The following MINDY4 variants were observed in gnomAD, a reference collection of about 807,000 sequenced individuals.
MINDY4 encodes the protein MINDY lysine 48 deubiquitinase 4.
In MINDY4, 68 loss-of-function variants were observed where a neutral mutation model predicts 87.0. The observed-to-expected ratio is 0.78, with a 90% CI of 0.64 to 0.96. The LOEUF is 0.96. Among genes scored for constraint, MINDY4 ranks in the 40% least tolerant of loss-of-function variants. MINDY4 has a pLI of 0.00. For missense variants in MINDY4, 919 were observed against 928.2 expected, an observed-to-expected ratio of 0.99 and a Z score of 0.13; for synonymous variants, 379 against 363.2, an observed-to-expected ratio of 1.04 and a Z score of -0.50.
At chr7:30,829,280 C>A (rs1451435196) in intron 6 of MINDY4, among the ~76,000 whole-genome samples, 2 of 147,058 alleles carry the variant, frequency 1.4e-5, no homozygotes, top group Non-Finnish European at 3.0e-5. Flanking sequence ...AGTTTTGAAG[C>A]AAACTTTTTT....
In MINDY4 at chr7:30,836,689, G is replaced by A. The variant is rs774681733; in HGVS notation, c.1164G>A (p.Glu388=). The A allele has an allele frequency of 1.9e-6, 3 of 1,614,020 alleles. No individual in the cohort carries two copies. The highest frequency in any genetic ancestry group is 1.7e-6 in the Non-Finnish European group (2 of 1,179,996). The part of the protein sequence containing the change: ...EDVEDELIRE[E]VILSPVPSVL... Reference sequence around the variant, plus strand: ...TGGAGGATGAGTTGATAAGGGAAGAGGTCATCCTGTCGCCAGTCCCATCAG... The same window carrying A: ...TGGAGGATGAGTTGATAAGGGAAGAAGTCATCCTGTCGCCAGTCCCATCAG... The change falls in exon 7 of 18, where the codon GAG becomes GAA. Residue 388 remains glutamate, a synonymous_variant. Coordinates refer to ENST00000265299, the MANE Select transcript of MINDY4 (RefSeq NM_032222.3).
intron 5 of MINDY4, among the ~76,000 whole-genome samples, chr7:30,813,705 G>A (rs912523340): frequency 4.1e-4 from 63 of 152,204 alleles, no homozygotes; most frequent in African/African-American, 1.4e-3. Flanking sequence ...GTACTTGTCC[G>A]AACTGGGGCT....
chr7:30,881,804 TAGG>T (rs1264058065), intron 15 of MINDY4, among the ~76,000 whole-genome samples: 1 of 152,082 alleles, frequency 6.6e-6, no homozygotes, highest in African/African-American at 2.4e-5. Flanking sequence ...AAGAATTGGT[TAGG>T]AGGTCACTGC....
At chr7:30,841,803 T>C (rs1767233023) in intron 9 of MINDY4, among the ~76,000 whole-genome samples, 1 of 152,230 alleles carries the variant, frequency 6.6e-6, no homozygotes, top group African/African-American at 2.4e-5. Flanking sequence ...CAGGTACCCC[T>C]ATTCTCCTGA....
At chr7:30,862,531 G>A (rs965530055) in intron 13 of MINDY4, among the ~76,000 whole-genome samples, 3 of 152,316 alleles carry the variant, frequency 2.0e-5, no homozygotes, top group East Asian at 1.9e-4. Flanking sequence ...GAAGGTTTGC[G>A]GTGATTCGCA....
At chr7:30,855,545 G>A (rs1789544107) in intron 12 of MINDY4, among the ~76,000 whole-genome samples, 1 of 152,370 alleles carries the variant, frequency 6.6e-6, no homozygotes, top group African/African-American at 2.4e-5. Flanking sequence ...CTAAGGTGGA[G>A]CCTGAGGGTG....
At chr7:30,846,923 C>T (rs1050181256) in intron 9 of MINDY4, among the ~76,000 whole-genome samples, 6 of 152,312 alleles carry the variant, frequency 3.9e-5, no homozygotes, top group African/African-American at 1.2e-4. Context: ...GCAGGCAGAA[C>T]GCAGCTTCAC....
At chr7:30,876,422 A>G (rs761528618) in intron 15 of MINDY4, among the ~76,000 whole-genome samples, 8 of 152,140 alleles carry the variant, frequency 5.3e-5, no homozygotes, top group Non-Finnish European at 7.3e-5. Context: ...CTAGGATTCA[A>G]CACATCTTTT....
intron 17 of MINDY4, among the ~76,000 whole-genome samples, chr7:30,884,382 G>A (rs879617250): frequency 6.6e-5 from 10 of 152,320 alleles, no homozygotes; most frequent in East Asian, 3.9e-4. Context: ...TGCTTCTTTC[G>A]TCGGGAGGAT....
At chr7:30,877,465 T>C (rs1279185178) in intron 15 of MINDY4, among the ~76,000 whole-genome samples, 7 of 152,188 alleles carry the variant, frequency 4.6e-5, no homozygotes, top group Non-Finnish European at 1.5e-5. Context: ...TCTGCTGTTC[T>C]GTGCTCAGCT....
intron 11 of MINDY4, 119 bp from the exon 12 acceptor site, chr7:30,853,275 C>G (rs78103803): frequency 1.3e-6 from 1 of 775,178 alleles, no homozygotes; most frequent in Non-Finnish European, 2.2e-6. Context: ...TGCTCTCTGA[C>G]GCAGGGACAT....
chr7:30,845,311 C>T (rs1789173118), intron 9 of MINDY4, among the ~76,000 whole-genome samples: 1 of 152,120 alleles, frequency 6.6e-6, no homozygotes, highest in African/African-American at 2.4e-5. Context: ...GAGCCCCTGC[C>T]CCACACGAGC....
intron 9 of MINDY4, among the ~76,000 whole-genome samples, chr7:30,849,104 A>C (rs1388250254): frequency 6.6e-6 from 1 of 151,884 alleles, no homozygotes; most frequent in Non-Finnish European, 1.5e-5. Context: ...GGTGTAGGTC[A>C]CTGGCTATGT....
At chr7:30,811,704 G>C (rs1788005143) in intron 5 of MINDY4, among the ~76,000 whole-genome samples, 1 of 152,210 alleles carries the variant, frequency 6.6e-6, no homozygotes, top group South Asian at 2.1e-4. Flanking sequence ...TACAGACATT[G>C]TATAGAAAAG....
At chr7:30,815,858 G>T (rs979907044) in intron 5 of MINDY4, among the ~76,000 whole-genome samples, 1 of 152,296 alleles carries the variant, frequency 6.6e-6, no homozygotes, top group Non-Finnish European at 1.5e-5. Flanking sequence ...GTCCTGGTGT[G>T]TGTCTCCCCA....
At chr7:30,804,477 C>G (rs1238018157) in intron 5 of MINDY4, among the ~76,000 whole-genome samples, 2 of 152,112 alleles carry the variant, frequency 1.3e-5, no homozygotes, top group Non-Finnish European at 2.9e-5. Context: ...GAGAGAAATG[C>G]TGAAGATGAG....
intron 4 of MINDY4, among the ~76,000 whole-genome samples, chr7:30,787,673 G>A (rs1391394006): frequency 7.9e-5 from 12 of 152,190 alleles, no homozygotes; most frequent in Admixed American, 7.9e-4. Flanking sequence ...ATTAGTCAGA[G>A]CCACCTCAGC....
intron 5 of MINDY4, among the ~76,000 whole-genome samples, chr7:30,805,944 G>A (rs1431125924): frequency 1.3e-5 from 2 of 152,202 alleles, no homozygotes; most frequent in African/African-American, 2.4e-5. Flanking sequence ...AGGGTGCACG[G>A]GCTTGGGTGG....
chr7:30,782,895 C>T (rs760090618), intron 3 of MINDY4, among the ~76,000 whole-genome samples: 4 of 152,096 alleles, frequency 2.6e-5, no homozygotes, highest in Non-Finnish European at 5.9e-5. Flanking sequence ...TAGGATGTGG[C>T]CCACCCACAT....
Sources: gnomAD v4.1 joint callset for allele counts (sites outside exome capture counted in the v4.1 genomes callset) on GRCh38, gnomAD v4.1.1 for gene constraint, MANE v1.5 for transcripts, NCBI Gene and HGNC (gene_info 2026-07-23, HGNC 2026-07-21) for gene names.